Variants in CAST observed in about 807,000 individuals in gnomAD.
CAST encodes calpastatin, also known as MIR583 host.
In CAST, 76 loss-of-function variants were observed where a neutral mutation model predicts 119.6. The ratio of observed to expected loss-of-function variants is 0.64; its 90% CI spans 0.53 to 0.77. CAST has a LOEUF of 0.77. CAST is among the 30% of genes least tolerant of loss of function. The probability of loss-of-function intolerance (pLI) is 0.00; values close to 1 mark genes in which losing one functional copy is unlikely to be tolerated. For synonymous variants in CAST, 319 were observed against 331.6 expected, an observed-to-expected ratio of 0.96 and a Z score of 0.41; for missense variants, 953 against 946.5, an observed-to-expected ratio of 1.01 and a Z score of -0.09.
the CAST span, among the ~76,000 whole-genome samples, chr5:96,462,690 T>C: frequency 6.6e-6 from 1 of 152,112 alleles, no homozygotes; most frequent in African/African-American, 2.4e-5. Context: ...AGCAAGATGA[T>C]ATGGTTTGGC....
At chr5:96,451,443 T>A in the CAST span, among the ~76,000 whole-genome samples, 1 of 152,136 alleles carries the variant, frequency 6.6e-6, no homozygotes, top group Non-Finnish European at 1.5e-5. Context: ...TAGCCATATG[T>A]GGAAAACTGA....
At chr5:96,536,583 G>C (rs976090970) in intron 1 of CAST, among the ~76,000 whole-genome samples, 1 of 152,202 alleles carries the variant, frequency 6.6e-6, no homozygotes, top group African/African-American at 2.4e-5. Flanking sequence ...AAGTGGAAAA[G>C]AGTAAGGTAC....
At chr5:96,118,168 C>T in the CAST span, among the ~76,000 whole-genome samples, 8 of 151,754 alleles carry the variant, frequency 5.3e-5, no homozygotes, top group African/African-American at 1.9e-4. Context: ...GACTTAGACA[C>T]TGAATCCCTT....
At chr5:96,449,904 G>A in the CAST span, among the ~76,000 whole-genome samples, 602 of 152,262 alleles carry the variant, frequency 4.0e-3, 3 homozygotes, top group African/African-American at 0.014. Flanking sequence ...TATATCTCCT[G>A]CCATCTTGGT....
At chr5:96,693,460 A>G (rs1752956538) in intron 2 of CAST, among the ~76,000 whole-genome samples, 1 of 152,228 alleles carries the variant, frequency 6.6e-6, no homozygotes, top group South Asian at 2.1e-4. Flanking sequence ...GCTTTGATGT[A>G]GCGAATGGAA....
the CAST span, among the ~76,000 whole-genome samples, chr5:96,504,577 C>T: frequency 6.6e-6 from 1 of 151,084 alleles, no homozygotes; most frequent in Non-Finnish European, 1.5e-5. Flanking sequence ...AAAGACAGAC[C>T]ACTGCCTAAA....
chr5:96,477,308 A>G, the CAST span, among the ~76,000 whole-genome samples: 1 of 65,720 alleles, frequency 1.5e-5, no homozygotes, highest in South Asian at 4.4e-4. Context: ...GCACGCGTGC[A>G]CACACACACA....
intron 1 of CAST, among the ~76,000 whole-genome samples, chr5:96,593,327 T>C (rs1468189346): frequency 2.0e-5 from 3 of 152,214 alleles, no homozygotes; most frequent in Admixed American, 6.5e-5. Context: ...TTGTGACGTG[T>C]TCTCTAACCC....
At chr5:96,320,694 A>G in the CAST span, among the ~76,000 whole-genome samples, 1 of 145,756 alleles carries the variant, frequency 6.9e-6, no homozygotes, top group Admixed American at 7.0e-5. Context: ...GCTGCTCCTC[A>G]TCACTCACTG....
In CAST at chr5:96,680,354, C is replaced by CAAAAAAAAAAAAAAAAAAAAAAAAAAA. The variant is rs71617135; in HGVS notation, c.138+4778_138+4779insAAAAAAAAAAAAAAAAAAAAAAAAAAA. On this transcript the variant is annotated intron_variant, in intron 2 of 31. Coordinates refer to ENST00000675179, the MANE Select transcript of CAST (RefSeq NM_001750.7). Reference sequence around the variant, plus strand: ...TGGGCAACAGAACGAGACTCTGTCTCAAAAAAAAAAAAAAAAAAAAAAAAA... The same window carrying CAAAAAAAAAAAAAAAAAAAAAAAAAAA: ...TGGGCAACAGAACGAGACTCTGTCTCAAAAAAAAAAAAAAAAAAAAAAAAAAAAAAAAAAAAAAAAAAAAAAAAAAAA... Among the ~76,000 whole-genome samples, 2 of 29,272 alleles carry CAAAAAAAAAAAAAAAAAAAAAAAAAAA rather than the reference C, an allele frequency of 6.8e-5. 1 individual carries two copies. Among genetic ancestry groups the CAAAAAAAAAAAAAAAAAAAAAAAAAAA allele is most frequent in the African/African-American group, 3.0e-4 (2 of 6,640 alleles). The allele number at this position is 29,272 out of a possible 152,430, so 19.2% of individuals were successfully genotyped here.
intron 2 of CAST, among the ~76,000 whole-genome samples, chr5:96,683,379 A>C (rs1395863904): frequency 6.6e-6 from 1 of 152,204 alleles, no homozygotes; most frequent in Non-Finnish European, 1.5e-5. Flanking sequence ...AAATGAAAAA[A>C]TAGAAACTTC....
chr5:96,422,546 C>G, the CAST span, among the ~76,000 whole-genome samples: 1 of 152,202 alleles, frequency 6.6e-6, no homozygotes, highest in Non-Finnish European at 1.5e-5. Flanking sequence ...CCCGCATACC[C>G]TTACTGTTAC....
At chr5:96,560,156 T>G (rs2150184383) in intron 1 of CAST, among the ~76,000 whole-genome samples, 1 of 152,076 alleles carries the variant, frequency 6.6e-6, no homozygotes, top group South Asian at 2.1e-4. Context: ...TAGCCATATG[T>G]AGAAAGCTGA....
At chr5:96,542,267 C>T (rs1824425) in intron 1 of CAST, among the ~76,000 whole-genome samples, 92,095 of 149,624 alleles carry the variant, frequency 0.62, 28,683 homozygotes, top group East Asian at 0.86. Flanking sequence ...GCCGAGATCG[C>T]GCCACTGCAC....
intron 1 of CAST, among the ~76,000 whole-genome samples, chr5:96,624,831 G>A (rs1747688814): frequency 6.6e-6 from 1 of 152,080 alleles, no homozygotes; most frequent in Non-Finnish European, 1.5e-5. Flanking sequence ...TTCTCATTCT[G>A]TTTGTGTAGC....
chr5:96,383,920 G>A, the CAST span, among the ~76,000 whole-genome samples: 13 of 152,206 alleles, frequency 8.5e-5, no homozygotes, highest in Non-Finnish European at 1.6e-4. Context: ...AGGCTTGAGA[G>A]ATACTCAAGA....
intron 9 of CAST, among the ~76,000 whole-genome samples, chr5:96,732,929 A>G (rs1760857756): frequency 6.6e-6 from 1 of 152,250 alleles, no homozygotes; most frequent in Non-Finnish European, 1.5e-5. Context: ...TAAAAGTAAT[A>G]TAGATTTATC....
chr5:96,394,902 C>G, the CAST span: 14 of 1,614,162 alleles, frequency 8.7e-6, no homozygotes, highest in South Asian at 1.5e-4. Flanking sequence ...CCTCTTCTGT[C>G]ATTCTGAACA....
At chr5:96,383,016 T>C in the CAST span, among the ~76,000 whole-genome samples, 1 of 152,210 alleles carries the variant, frequency 6.6e-6, no homozygotes, top group Non-Finnish European at 1.5e-5. Flanking sequence ...ACGGTGCTAA[T>C]CTTTGGGATA....
Sources: allele counts gnomAD v4.1 joint callset (sites outside exome capture counted in the v4.1 genomes callset), GRCh38; gene constraint gnomAD v4.1.1; transcripts MANE v1.5; gene names NCBI Gene and HGNC (gene_info 2026-07-23, HGNC 2026-07-21).